MBOAT7: variants seen among roughly 807,000 people sequenced by gnomAD.
MBOAT7 encodes the protein membrane bound acylglycerophosphatidylinositol O-acyltransferase MBOAT7.
MBOAT7 carries 40 observed loss-of-function variants against 47.4 expected under a neutral mutation model. The observed-to-expected ratio is 0.84, with a 90% confidence interval of 0.66 to 1.10. The LOEUF is 1.10. MBOAT7 is among the 50% of genes least tolerant of loss of function. The pLI, the probability that MBOAT7 is intolerant of heterozygous loss-of-function variation, is 0.00. For missense variants in MBOAT7, 680 were observed against 655.6 expected, an observed-to-expected ratio of 1.04 and a Z score of -0.41; for synonymous variants, 361 against 292.0, an observed-to-expected ratio of 1.24 and a Z score of -2.41.
chr19:54,183,111 T>A (rs1015405640), intron 5 of MBOAT7, among the ~76,000 whole-genome samples: 5 of 152,176 alleles, frequency 3.3e-5, no homozygotes, highest in African/African-American at 1.2e-4. Context: ...AGCAATCCTC[T>A]CGCCTCAGCC....
chr19:54,174,720 G>GTCC, intron 7 of MBOAT7, among the ~76,000 whole-genome samples: 1 of 147,832 alleles, frequency 6.8e-6, no homozygotes, highest in Non-Finnish European at 1.5e-5. Context: ...AGATCCAGGA[G>GTCC]ACCAGACCCC....
At chr19:54,175,739 T>C (rs1475867074) in intron 7 of MBOAT7, among the ~76,000 whole-genome samples, 3 of 152,106 alleles carry the variant, frequency 2.0e-5, no homozygotes, top group Non-Finnish European at 4.4e-5. Context: ...TTGTTGTTGT[T>C]GTTCAGACGG....
chr19:54,175,242 T>A (rs1261308926), intron 7 of MBOAT7, among the ~76,000 whole-genome samples: 1 of 152,148 alleles, frequency 6.6e-6, no homozygotes, highest in Non-Finnish European at 1.5e-5. Flanking sequence ...CCTCCCAAAG[T>A]GCTGGGATCA....
At chr19:54,179,114 G>A in intron 6 of MBOAT7, 173 bp from the exon 7 acceptor site, 2 of 833,914 alleles carry the variant, frequency 2.4e-6, no homozygotes, top group Non-Finnish European at 3.7e-6. Context: ...GAGGGTGCCT[G>A]TAGGGTAGGA....
Position 54,181,065 on chromosome 19 carries a change from G to A in MBOAT7, c.562C>T (p.Leu188=), listed in dbSNP as rs1456958360. 1 of 1,537,014 alleles carries A rather than the reference G, an allele frequency of 6.5e-7. No homozygotes were observed. Among genetic ancestry groups the A allele is most frequent in the East Asian group, 2.4e-5 (1 of 40,940 alleles). The change falls in exon 6 of 8, where the codon CTG becomes TTG. Residue 188 remains leucine, a synonymous_variant. Transcript: ENST00000245615. ...CAGGCGCGGCGCAGCAGGGGCCGCA[G>A]GCTGGGCACTGCCCCGGGGAAGGGC... ...EQPFPGAVPS[L]RPLLRRAWPA...
chr19:54,184,164 T>C (rs112332206), intron 4 of MBOAT7, among the ~76,000 whole-genome samples: 435 of 117,942 alleles, frequency 3.7e-3, no homozygotes, highest in African/African-American at 0.01. Flanking sequence ...TCTCTCTCTT[T>C]TTTTTTTTTT....
chr19:54,187,804 T>A (rs1373342076), intron 3 of MBOAT7, among the ~76,000 whole-genome samples: 1 of 151,808 alleles, frequency 6.6e-6, no homozygotes, highest in Admixed American at 6.6e-5. Context: ...GATCACAAGG[T>A]CAGGAGTTCG....
rs1379092537 is a variant in MBOAT7, at chr19:54,188,504, G to A, written c.5C>T (p.Ser2Leu). M[S>L]PEEWTYLVVL... ...CACTAGATACGTCCATTCTTCAGGC[G>A]ACATGGTCTGGGGGAGGGGCAGAGA... The change falls in exon 2 of 8, where the codon TCG becomes TTG. Residue 2 changes from serine (S) to leucine (L), a missense_variant. Coordinates refer to ENST00000245615, the MANE Select transcript of MBOAT7 (RefSeq NM_024298.5). 4 of 1,552,462 alleles carry A rather than the reference G, an allele frequency of 2.6e-6. No individual in the cohort carries two copies. Among genetic ancestry groups the A allele is most frequent in the Non-Finnish European group, 3.5e-6 (4 of 1,147,398 alleles).
Position 54,174,311 on chromosome 19 carries a change from C to T in MBOAT7, c.1152G>A (p.Arg384=). ...TCTGGCCCCCTGGGCTCAGCCGCCC[C>T]CGCAGGGCTGACTCCAGCCGGCCCT... ...AAEGRLESAL[R]GRLSPGGQKA... Residue 384 remains arginine (R), a synonymous_variant, in exon 8 of 8, where the codon CGG becomes CGA. Transcript: ENST00000245615. 6.2e-7 allele frequency: 1 copy of T among 1,613,414 alleles called. No homozygotes were observed. The highest frequency in any genetic ancestry group is 8.5e-7 in the Non-Finnish European group (1 of 1,179,638).
At chr19:54,181,663 AAGGGAGGGAAGGAGGGAAGGAAGG>A (rs2076276036) in intron 5 of MBOAT7, among the ~76,000 whole-genome samples, 5 of 74,992 alleles carry the variant, frequency 6.7e-5, no homozygotes, top group Non-Finnish European at 7.9e-5. Flanking sequence ...GGGAAGAAAG[AAGGGAGGGAAGGAGGGAAGGAAGG>A]AGGGAGGGAA....
Position 54,180,618 on chromosome 19 carries a change from G to A in MBOAT7, c.854+155C>T. The A allele has an allele frequency of 1.5e-6, 1 of 680,440 alleles. No homozygotes were observed. The highest frequency in any genetic ancestry group is 2.4e-6 in the Non-Finnish European group (1 of 418,684). The allele number at this position is 680,440 out of a possible 1,614,324, so 42.2% of individuals were successfully genotyped here. On this transcript the variant is annotated intron_variant, in intron 6 of 7. Coordinates refer to ENST00000245615, the MANE Select transcript of MBOAT7 (RefSeq NM_024298.5). This position sits in a 1 kb window ranked among gnomAD's most constrained non-coding sequence, Gnocchi z 5.2. ...AGGGATCTTTTCCCTACCGACAGGG[G>A]CTGGCAGGCCATGGTTGCCGAGGGG...
At chr19:54,185,976 G>A (rs1209988790) in intron 4 of MBOAT7, among the ~76,000 whole-genome samples, 2 of 125,878 alleles carry the variant, frequency 1.6e-5, no homozygotes, top group Non-Finnish European at 3.6e-5. Context: ...GATTACAGGC[G>A]TGAGCCACCC....
At chr19:54,176,609 G>C (rs1038696362) in intron 7 of MBOAT7, among the ~76,000 whole-genome samples, 1 of 152,090 alleles carries the variant, frequency 6.6e-6, no homozygotes, top group Non-Finnish European at 1.5e-5. Context: ...CACGACATCC[G>C]ACTAGCACCT....
At chr19:54,186,257 C>T (rs1343803144) in intron 4 of MBOAT7, among the ~76,000 whole-genome samples, 3 of 150,526 alleles carry the variant, frequency 2.0e-5, no homozygotes, top group African/African-American at 7.3e-5. Context: ...TCAGGTGATC[C>T]GCCTGCCTCA....
chr19:54,187,225 C>G lies in MBOAT7; in HGVS notation c.269G>C (p.Ser90Thr). The G allele has an allele frequency of 4.4e-6, 7 of 1,606,756 alleles. No individual in the cohort carries two copies. Among genetic ancestry groups the G allele is most frequent in the Non-Finnish European group, 5.9e-6 (7 of 1,177,228 alleles). The part of the protein sequence containing the change: ...FSYLLFFRAL[S>T]LLGLPTPTPF... Reference sequence around the variant, plus strand: ...CGTGGGAGTGGGCAGGCCCAGGAGGCTGAGGGCTCGGAAGAACAGGAGATA... The same window carrying G: ...CGTGGGAGTGGGCAGGCCCAGGAGGGTGAGGGCTCGGAAGAACAGGAGATA... Residue 90 changes from serine to threonine, a missense_variant, in exon 4 of 8, where the codon AGC becomes ACC. Physicochemically the swap from Ser to Thr is moderately conservative, Grantham distance 58. Coordinates refer to ENST00000245615, the MANE Select transcript of MBOAT7 (RefSeq NM_024298.5).
In MBOAT7 at chr19:54,179,418, T is replaced by C. The variant is rs60800870; in HGVS notation, c.855-477A>G. The C allele has an allele frequency of 8.7e-3, 1,443 of 166,100 alleles. 58 individuals carry two copies. The East Asian group carries it at 0.12, about 14-fold the overall frequency. The allele number at this position is 166,100 out of a possible 1,614,324, so 10.3% of individuals were successfully genotyped here. ...GTGGGGTCCCCATGATCTTTGTTGC[T>C]AAGGAAAAGGCATTCCTTAGCAACA... On this transcript the variant is annotated intron_variant, in intron 6 of 7. Coordinates refer to ENST00000245615, the MANE Select transcript of MBOAT7 (RefSeq NM_024298.5).
rs200105516 is a variant in MBOAT7, at chr19:54,178,766, G to C, written c.1030C>G (p.Arg344Gly). 23 of 1,613,264 alleles carry C rather than the reference G, an allele frequency of 1.4e-5. No individual in the cohort carries two copies. The highest frequency in any genetic ancestry group is 1.9e-5 in the Non-Finnish European group (22 of 1,179,908). The change falls in exon 7 of 8, where the codon CGG (arginine) becomes GGG (glycine). Residue 344 changes from arginine (R) to glycine (G), a missense_variant and splice_region_variant. Transcript: ENST00000245615. Reference sequence around the variant, plus strand: ...CTGAGACTGGGCGGGCTCACTCACCGCAGGACATAGGAACGGGCAGGTGCG... The same window carrying C: ...CTGAGACTGGGCGGGCTCACTCACCCCAGGACATAGGAACGGGCAGGTGCG... ...KSAPARSYVL[R>G]SAWTMLLSAY...
In MBOAT7 at chr19:54,183,503, T is replaced by C. The variant is rs750973058; in HGVS notation, c.493+18A>G. On this transcript the variant is annotated intron_variant, in intron 5 of 7. Transcript: ENST00000245615. ...ACAGGAGACAGAGCGGCAGAGTTGT[T>C]AGGGCAGCCCCACTCACCTGTCATG... 6.2e-7 allele frequency: 1 copy of C among 1,603,094 alleles called. No homozygotes were observed. The highest frequency in any genetic ancestry group is 2.3e-5 in the East Asian group (1 of 43,828).
At chr19:54,183,745 C>G (rs146778597) in intron 4 of MBOAT7, 65 bp from the exon 5 acceptor site, 13 of 1,442,050 alleles carry the variant, frequency 9.0e-6, no homozygotes, top group Non-Finnish European at 1.2e-5. Flanking sequence ...ACCCATCTCC[C>G]TTGCGCGGCT....
Sources: allele counts gnomAD v4.1 joint callset (sites outside exome capture counted in the v4.1 genomes callset), GRCh38; gene constraint gnomAD v4.1.1; non-coding constraint Gnocchi (gnomAD v3.1); transcripts MANE v1.5; gene names NCBI Gene and HGNC (gene_info 2026-07-23, HGNC 2026-07-21).